The following VPS13B variants were observed in gnomAD, a reference collection of about 807,000 sequenced individuals.
The protein encoded by VPS13B is vacuolar protein sorting 13 homolog B.
VPS13B carries 285 observed loss-of-function variants against 426.4 expected under a neutral mutation model. That is an observed-to-expected ratio of 0.67 (90% CI 0.61 to 0.74). The LOEUF (loss-of-function observed/expected upper bound fraction) is 0.74. Among genes scored for constraint, VPS13B ranks in the 30% least tolerant of loss-of-function variants. VPS13B has a pLI of 0.00. For missense variants in VPS13B, 4,537 were observed against 4,782.6 expected (o/e 0.95, Z 1.51); for synonymous variants, 1,676 against 1,676.4 (o/e 1.00, Z 0.01).
intron 39 of VPS13B, among the ~76,000 whole-genome samples, chr8:99,731,966 A>C (rs1308794511): frequency 6.6e-6 from 1 of 152,182 alleles, no homozygotes; most frequent in Non-Finnish European, 1.5e-5. Context: ...GGATCTGAAA[A>C]GTTAAATGGG....
At chr8:99,513,077 C>T (rs757227756) in intron 29 of VPS13B, among the ~76,000 whole-genome samples, 12 of 148,114 alleles carry the variant, frequency 8.1e-5, no homozygotes, top group Non-Finnish European at 1.8e-4. Flanking sequence ...AATAAAATTA[C>T]AGAAGTTTTA....
intron 31 of VPS13B, among the ~76,000 whole-genome samples, chr8:99,570,438 A>C (rs12676009): frequency 0.27 from 40,626 of 151,922 alleles, 6,209 homozygotes; most frequent in East Asian, 0.45. Flanking sequence ...TAGTCTTAAG[A>C]TATATCTAAA....
chr8:99,670,252 AATGAGGAATAAAT>A (rs371063267), intron 35 of VPS13B, among the ~76,000 whole-genome samples: 20,607 of 152,074 alleles, frequency 0.14, 1,940 homozygotes, highest in East Asian at 0.39. Context: ...TGGAGTAGAA[AATGAGGAATAAAT>A]AATGTGATTT....
intron 17 of VPS13B, among the ~76,000 whole-genome samples, chr8:99,213,349 A>T (rs1309010617): frequency 6.6e-6 from 1 of 152,172 alleles, no homozygotes; most frequent in Non-Finnish European, 1.5e-5. Context: ...TAATAATCAA[A>T]TATAACATTT....
At chr8:99,740,834 G>A (rs553116159) in intron 39 of VPS13B, among the ~76,000 whole-genome samples, 2,859 of 151,938 alleles carry the variant, frequency 0.019, 94 homozygotes, top group African/African-American at 0.066. Flanking sequence ...CACTAAACAT[G>A]GAAAGGAACA....
At chr8:99,129,382 A>G (rs943948099) in intron 8 of VPS13B, among the ~76,000 whole-genome samples, 2 of 151,646 alleles carry the variant, frequency 1.3e-5, no homozygotes, top group Non-Finnish European at 2.9e-5. Context: ...TGGGCAACAT[A>G]GTGAGACCCT....
intron 31 of VPS13B, among the ~76,000 whole-genome samples, chr8:99,567,638 A>G (rs1825253184): frequency 6.6e-6 from 1 of 152,096 alleles, no homozygotes; most frequent in African/African-American, 2.4e-5. Flanking sequence ...ATGTCTTTAT[A>G]GATTCTTTGT....
intron 21 of VPS13B, among the ~76,000 whole-genome samples, chr8:99,406,882 A>G (rs1332346538): frequency 6.6e-6 from 1 of 152,202 alleles, no homozygotes; most frequent in Non-Finnish European, 1.5e-5. Context: ...ACCTTAGGAT[A>G]GGTGTTAGAT....
chr8:99,238,300 AAAAT>A (rs1462760117), intron 17 of VPS13B, among the ~76,000 whole-genome samples: 4 of 152,094 alleles, frequency 2.6e-5, no homozygotes, highest in Non-Finnish European at 5.9e-5. Flanking sequence ...TAATAAGCAC[AAAAT>A]AAATATGTTT....
intron 5 of VPS13B, among the ~76,000 whole-genome samples, chr8:99,104,848 C>T (rs1271273290): frequency 6.6e-6 from 1 of 152,148 alleles, no homozygotes; most frequent in African/African-American, 2.4e-5. Flanking sequence ...TGGTCTCAAA[C>T]TCCTTGGCTT....
intron 3 of VPS13B, among the ~76,000 whole-genome samples, chr8:99,064,993 A>G (rs944961092): frequency 2.6e-5 from 4 of 152,216 alleles, no homozygotes; most frequent in African/African-American, 7.2e-5. Flanking sequence ...CCAGAATTTC[A>G]TATCCAGCCA....
At chr8:99,359,738 C>T (rs1812391363) in intron 19 of VPS13B, among the ~76,000 whole-genome samples, 1 of 152,126 alleles carries the variant, frequency 6.6e-6, no homozygotes, top group Non-Finnish European at 1.5e-5. Context: ...AGTAGTGTGC[C>T]CATTCTAAAT....
chr8:99,405,178 T>G (rs1815256889), intron 21 of VPS13B, among the ~76,000 whole-genome samples: 1 of 152,054 alleles, frequency 6.6e-6, no homozygotes, highest in Non-Finnish European at 1.5e-5. Flanking sequence ...CCAGTCTTAT[T>G]TTTTTTTCTC....
chr8:99,286,115 T>G lies in VPS13B; in HGVS notation c.2824+10861T>G, dbSNP rs2133033072. ...GTATCATGCTGCAAATAGTCTTAAC[T>G]ATTTATAGGATTCCTTCCCCATGAA... is the stretch of plus-strand genomic sequence containing the variant. On this transcript the variant is annotated intron_variant, in intron 19 of 61. Coordinates refer to ENST00000357162, the MANE Select transcript of VPS13B (RefSeq NM_152564.5). 1.3e-5 allele frequency among the ~76,000 whole-genome samples: 2 copies of G among 152,314 alleles called. 1 individual carries two copies. Among genetic ancestry groups the G allele is most frequent in the South Asian group, 4.1e-4 (2 of 4,832 alleles).
intron 3 of VPS13B, among the ~76,000 whole-genome samples, chr8:99,093,622 A>G (rs998572888): frequency 1.8e-4 from 27 of 150,650 alleles, no homozygotes; most frequent in African/African-American, 6.6e-4. Flanking sequence ...GAGTGAGAAT[A>G]TGCGGTGTTT....
intron 40 of VPS13B, among the ~76,000 whole-genome samples, chr8:99,776,224 G>C (rs571226264): frequency 6.6e-6 from 1 of 152,172 alleles, no homozygotes; most frequent in Non-Finnish European, 1.5e-5. Flanking sequence ...CAAATGGCCC[G>C]TAAGTTTTGT....
intron 6 of VPS13B, among the ~76,000 whole-genome samples, chr8:99,113,173 A>G (rs1847462649): frequency 6.7e-6 from 1 of 150,342 alleles, no homozygotes; most frequent in Non-Finnish European, 1.5e-5. Context: ...ATCATACTTC[A>G]CTGTAACCTT....
intron 22 of VPS13B, among the ~76,000 whole-genome samples, chr8:99,434,597 G>T (rs886073025): frequency 6.6e-6 from 1 of 152,090 alleles, no homozygotes; most frequent in African/African-American, 2.4e-5. Context: ...AAACTTTTTA[G>T]AAATTCATCC....
chr8:99,816,124 C>T (rs1176110203), intron 44 of VPS13B, among the ~76,000 whole-genome samples: 19 of 149,776 alleles, frequency 1.3e-4, no homozygotes, highest in Admixed American at 4.6e-4. Context: ...TTTTTTTAGA[C>T]GGAGTTTTAC....
Sources: gnomAD v4.1 joint callset for allele counts (sites outside exome capture counted in the v4.1 genomes callset) on GRCh38, gnomAD v4.1.1 for gene constraint, MANE v1.5 for transcripts, NCBI Gene and HGNC (gene_info 2026-07-23, HGNC 2026-07-21) for gene names.